Variants in DPP6 observed in about 807,000 individuals in gnomAD.
The protein encoded by DPP6 is A-type potassium channel modulatory protein DPP6.
In DPP6, 69 loss-of-function variants were observed where a neutral mutation model predicts 122.6. The ratio of observed to expected loss-of-function variants is 0.56; its 90% CI spans 0.46 to 0.69. The LOEUF (loss-of-function observed/expected upper bound fraction) is 0.69. Ranked by LOEUF, DPP6 falls within the 30% of genes least tolerant of loss-of-function variation. The probability of loss-of-function intolerance (pLI) is 0.00; values close to 1 mark genes in which losing one functional copy is unlikely to be tolerated. For synonymous variants in DPP6, 418 were observed against 433.1 expected (o/e 0.97, Z 0.43); for missense variants, 928 against 1,116.9 (o/e 0.83, Z 2.41).
chr7:153,749,301 G>T, the DPP6 span, among the ~76,000 whole-genome samples: 1 of 152,178 alleles, frequency 6.6e-6, no homozygotes, highest in Non-Finnish European at 1.5e-5. This position sits in a 1 kb window ranked among gnomAD's most constrained non-coding sequence, Gnocchi z 4.1. Context: ...GGCTGGGCTG[G>T]CAGGTGCAGC....
intron 2 of DPP6, among the ~76,000 whole-genome samples, chr7:154,451,771 A>G (rs1010418819): frequency 1.3e-5 from 2 of 152,358 alleles, no homozygotes; most frequent in African/African-American, 2.4e-5. Context: ...TTCTTGTTCC[A>G]TCACAATACA....
At chr7:154,406,862 T>C (rs1816159673) in intron 1 of DPP6, among the ~76,000 whole-genome samples, 2 of 152,302 alleles carry the variant, frequency 1.3e-5, no homozygotes, top group East Asian at 1.9e-4. Context: ...GAACACCTGA[T>C]ATGGTGTTCT....
chr7:154,637,743 A>T (rs566765788), intron 5 of DPP6, 78 bp from the exon 6 acceptor site: 1 of 1,450,674 alleles, frequency 6.9e-7, no homozygotes, highest in East Asian at 2.6e-5. Flanking sequence ...GTTTGTTAGG[A>T]TTCACAGTGA....
chr7:154,679,324 A>G (rs1015276010), intron 7 of DPP6, among the ~76,000 whole-genome samples: 1 of 152,244 alleles, frequency 6.6e-6, no homozygotes, highest in African/African-American at 2.4e-5. Context: ...GTCAGGTGAC[A>G]GCAATTCCCC....
intron 17 of DPP6, among the ~76,000 whole-genome samples, chr7:154,854,840 G>C (rs1002269795): frequency 6.6e-6 from 1 of 152,146 alleles, no homozygotes; most frequent in Non-Finnish European, 1.5e-5. Flanking sequence ...ACTCGCCCTC[G>C]GTCCCTCCCT....
At position 154,421,830 on chromosome 7, in the gene DPP6, A is replaced by T. The variant is rs564827453; in HGVS notation, c.244-24384A>T. Among the ~76,000 whole-genome samples the T allele has an allele frequency of 1.1e-4, 16 of 152,340 alleles. No individual in the cohort carries two copies. The South Asian group carries it at 3.1e-3, about 30-fold the overall frequency. ...CCAGCTATTTAAATTAAACACTGGC[A>T]TGTGCCTGGTTTATTACAGTGGCCC... On this transcript the variant is annotated intron_variant, in intron 1 of 25. Coordinates refer to ENST00000377770, the MANE Select transcript of DPP6 (RefSeq NM_130797.4).
intron 1 of DPP6, among the ~76,000 whole-genome samples, chr7:154,296,342 ATCT>A (rs1805544381): frequency 6.6e-6 from 1 of 152,264 alleles, no homozygotes; most frequent in Non-Finnish European, 1.5e-5. Context: ...CCCATAGTCC[ATCT>A]TCTTGTAATT....
intron 1 of DPP6, among the ~76,000 whole-genome samples, chr7:154,113,068 G>T (rs1806709317): frequency 1.3e-5 from 2 of 152,110 alleles, no homozygotes; most frequent in Admixed American, 1.3e-4. Flanking sequence ...CTGTATTAAG[G>T]CTAAATAATA....
intron 1 of DPP6, among the ~76,000 whole-genome samples, chr7:153,999,302 A>G (rs1797581586): frequency 6.6e-6 from 1 of 152,258 alleles, no homozygotes; most frequent in Non-Finnish European, 1.5e-5. Flanking sequence ...TCCTGAGGTC[A>G]TCTGCAGCAT....
intron 5 of DPP6, among the ~76,000 whole-genome samples, chr7:154,598,999 G>A (rs1320557020): frequency 6.6e-6 from 1 of 152,148 alleles, no homozygotes; most frequent in Non-Finnish European, 1.5e-5. Context: ...TGGCCTTTGG[G>A]AGAGACCCTG....
At chr7:154,646,690 A>G (rs946837468) in intron 6 of DPP6, among the ~76,000 whole-genome samples, 4 of 152,136 alleles carry the variant, frequency 2.6e-5, no homozygotes, top group African/African-American at 4.8e-5. Context: ...CCGTCATTCT[A>G]AGTTGTCAGA....
intron 1 of DPP6, among the ~76,000 whole-genome samples, chr7:154,411,793 A>C (rs1025334208): frequency 9.2e-5 from 14 of 152,260 alleles, no homozygotes; most frequent in African/African-American, 2.6e-4. Flanking sequence ...TCTGCATTCG[A>C]GTAATTTTAA....
chr7:154,309,549 T>C (rs921663901), intron 1 of DPP6, among the ~76,000 whole-genome samples: 5 of 152,206 alleles, frequency 3.3e-5, no homozygotes, highest in African/African-American at 1.2e-4. Context: ...AGTAAGAGAA[T>C]TTCTGATGTT....
At chr7:154,098,105 G>C (rs957057141) in intron 1 of DPP6, among the ~76,000 whole-genome samples, 2 of 152,144 alleles carry the variant, frequency 1.3e-5, no homozygotes, top group Non-Finnish European at 2.9e-5. Context: ...CCATAATCCT[G>C]TTGGATTATG....
At position 154,618,001 on chromosome 7, in the gene DPP6, G is replaced by C. The variant is rs1046847100; in HGVS notation, c.628-19820G>C. 2.6e-5 allele frequency among the ~76,000 whole-genome samples: 4 copies of C among 152,070 alleles called. No homozygotes were observed. Among genetic ancestry groups the C allele is most frequent in the Admixed American group, 2.0e-4 (3 of 15,268 alleles). On this transcript the variant is annotated intron_variant, in intron 5 of 25. Coordinates refer to ENST00000377770, the MANE Select transcript of DPP6 (RefSeq NM_130797.4). This position sits in a 1 kb window ranked among gnomAD's most constrained non-coding sequence, Gnocchi z 4.1. ...CTAGGCCATAGGGGCTGCAGACCCG[G>C]GACTCAAACGATGTGCAAAGGCCTC...
intron 1 of DPP6, among the ~76,000 whole-genome samples, chr7:154,285,259 TTTGTTG>T (rs542703917): frequency 7.2e-5 from 11 of 152,040 alleles, no homozygotes; most frequent in East Asian, 5.8e-4. Context: ...ATCATACTAG[TTTGTTG>T]TTGTTGTTGT....
intron 8 of DPP6, among the ~76,000 whole-genome samples, chr7:154,737,251 C>T (rs1054886425): frequency 5.3e-5 from 8 of 152,170 alleles, no homozygotes; most frequent in South Asian, 4.1e-4. Context: ...TTGGTATCCT[C>T]GGGAGACTGG....
At chr7:154,524,016 C>T (rs1349288559) in intron 3 of DPP6, among the ~76,000 whole-genome samples, 3 of 152,188 alleles carry the variant, frequency 2.0e-5, no homozygotes, top group Non-Finnish European at 2.9e-5. Flanking sequence ...GAATTAATCA[C>T]CTCTTCTACA....
chr7:154,586,126 C>T (rs988567264), intron 5 of DPP6, among the ~76,000 whole-genome samples: 2 of 151,950 alleles, frequency 1.3e-5, no homozygotes, highest in African/African-American at 2.4e-5. Flanking sequence ...AGTTGACCCT[C>T]GTTGCCACCG....
Sources: gnomAD v4.1 joint callset for allele counts (sites outside exome capture counted in the v4.1 genomes callset) on GRCh38, gnomAD v4.1.1 for gene constraint, Gnocchi (gnomAD v3.1) non-coding constraint, MANE v1.5 for transcripts, NCBI Gene and HGNC (gene_info 2026-07-23, HGNC 2026-07-21) for gene names.